ARHGAP15: variants seen among roughly 807,000 people sequenced by gnomAD.
ARHGAP15 encodes rho GTPase-activating protein 15.
In ARHGAP15, 51 loss-of-function variants were observed where a neutral mutation model predicts 63.7. The ratio of observed to expected loss-of-function variants is 0.80; its 90% CI spans 0.64 to 1.01. The LOEUF (loss-of-function observed/expected upper bound fraction) is 1.01, where lower values mean the gene tolerates loss of function less well. ARHGAP15 is among the 50% of genes least tolerant of loss of function. The pLI is 0.00. For synonymous variants in ARHGAP15, 191 were observed against 193.8 expected (o/e 0.99, Z 0.12); for missense variants, 560 against 564.6 (o/e 0.99, Z 0.08).
At chr2:143,169,894 T>C (rs1193234122) in intron 2 of ARHGAP15, among the ~76,000 whole-genome samples, 1 of 151,984 alleles carries the variant, frequency 6.6e-6, no homozygotes, top group Non-Finnish European at 1.5e-5. Flanking sequence ...TAGCCAGGAT[T>C]AGAAATATTT....
intron 10 of ARHGAP15, among the ~76,000 whole-genome samples, chr2:143,524,855 ATG>A (rs1262686813): frequency 1.5e-4 from 23 of 152,358 alleles, no homozygotes; most frequent in African/African-American, 5.0e-4. Flanking sequence ...ATGCACATGA[ATG>A]TGTTATATAA....
At chr2:143,413,969 G>GCGCGCA (rs1390553022) in intron 6 of ARHGAP15, among the ~76,000 whole-genome samples, 1 of 150,610 alleles carries the variant, frequency 6.6e-6, no homozygotes, top group African/African-American at 2.4e-5. Flanking sequence ...GTGTGTGTGC[G>GCGCGCA]CGCTCTCTGG....
chr2:143,525,081 C>T (rs1336155956), intron 10 of ARHGAP15, among the ~76,000 whole-genome samples: 2 of 152,140 alleles, frequency 1.3e-5, no homozygotes, highest in Non-Finnish European at 2.9e-5. Flanking sequence ...ATCATATTGC[C>T]TTCCCTAGAC....
intron 10 of ARHGAP15, among the ~76,000 whole-genome samples, chr2:143,547,875 A>G (rs1012202054): frequency 3.3e-5 from 5 of 152,054 alleles, no homozygotes; most frequent in African/African-American, 9.7e-5. Context: ...GTAAAAAGCA[A>G]GATAGCCAAT....
intron 6 of ARHGAP15, among the ~76,000 whole-genome samples, chr2:143,383,336 CTT>C (rs1286756892): frequency 5.9e-5 from 9 of 152,222 alleles, no homozygotes; most frequent in Non-Finnish European, 1.0e-4. Context: ...TCTTGGCTCA[CTT>C]ATATAAGGTT....
intron 12 of ARHGAP15, among the ~76,000 whole-genome samples, chr2:143,655,589 G>A (rs1681394334): frequency 6.6e-6 from 1 of 152,112 alleles, no homozygotes; most frequent in South Asian, 2.1e-4. Flanking sequence ...CCCCATAGTA[G>A]AGTTGATTTT....
chr2:143,168,391 G>A (rs139492042), intron 2 of ARHGAP15, among the ~76,000 whole-genome samples: 257 of 152,072 alleles, frequency 1.7e-3, no homozygotes, highest in African/African-American at 6.0e-3. Context: ...GTTGCTCAGG[G>A]TAGTCTAGAA....
At chr2:143,542,756 A>G (rs1316183162) in intron 10 of ARHGAP15, among the ~76,000 whole-genome samples, 19 of 96,736 alleles carry the variant, frequency 2.0e-4, no homozygotes, top group Admixed American at 4.3e-4. Flanking sequence ...GATATATATA[A>G]TATCACATAT....
rs143980909 is a variant in ARHGAP15 at position 143,625,256 on chromosome 2, G to C, written c.1138+989G>C. On this transcript the variant is annotated intron_variant, in intron 12 of 13. Transcript: ENST00000295095. ...TCAGGAGGTCTGATCTTGGATGGCT[G>C]GGTATGAAGTGTTCCCATTAGCACA... 1.4e-4 allele frequency among the ~76,000 whole-genome samples: 22 copies of C among 152,248 alleles called. No individual in the cohort carries two copies. The East Asian group carries it at 3.9e-3, about 27-fold the overall frequency.
intron 6 of ARHGAP15, among the ~76,000 whole-genome samples, chr2:143,416,510 T>C (rs955348090): frequency 4.6e-5 from 7 of 152,198 alleles, no homozygotes; most frequent in African/African-American, 1.7e-4. Context: ...TTGTTCTTTG[T>C]CCTCTGTTAC....
chr2:143,279,746 C>T (rs998982690), intron 6 of ARHGAP15, among the ~76,000 whole-genome samples: 6 of 152,114 alleles, frequency 3.9e-5, no homozygotes, highest in Admixed American at 2.6e-4. Context: ...CTTTATTGGA[C>T]ATTGAACACT....
At chr2:143,580,030 G>A (rs1329995875) in intron 11 of ARHGAP15, among the ~76,000 whole-genome samples, 1 of 147,598 alleles carries the variant, frequency 6.8e-6, no homozygotes, top group East Asian at 2.0e-4. Context: ...ACTGAGAGCT[G>A]AAGAAAAGTT....
intron 2 of ARHGAP15, among the ~76,000 whole-genome samples, chr2:143,201,712 T>C (rs989813506): frequency 1.3e-5 from 2 of 152,118 alleles, no homozygotes; most frequent in Admixed American, 1.3e-4. Context: ...GTGGGTGTGA[T>C]TTGGGTTTCC....
chr2:143,652,371 G>T (rs1469087432), intron 12 of ARHGAP15, among the ~76,000 whole-genome samples: 2 of 152,050 alleles, frequency 1.3e-5, no homozygotes, highest in East Asian at 3.9e-4. Flanking sequence ...CAACAAGCTG[G>T]AAGTATACCG....
At position 143,373,642 on chromosome 2, in the gene ARHGAP15, A is replaced by C. The variant is rs975292821; in HGVS notation, c.475-61959A>C. 1.1e-4 allele frequency among the ~76,000 whole-genome samples: 17 copies of C among 148,716 alleles called. 1 individual carries two copies. Among genetic ancestry groups the C allele is most frequent in the South Asian group, 6.3e-4 (3 of 4,730 alleles). On this transcript the variant is annotated intron_variant, in intron 6 of 13. Transcript: ENST00000295095. ...CAGACTCTATCTCAAAAAAAAAAAA[A>C]AAAAAAAAAAAAAAAAAACACAGAA... is the stretch of plus-strand genomic sequence containing the variant.
chr2:143,535,330 A>C (rs1035674967), intron 10 of ARHGAP15, among the ~76,000 whole-genome samples: 1 of 152,088 alleles, frequency 6.6e-6, no homozygotes, highest in African/African-American at 2.4e-5. Flanking sequence ...ACACAAGTAA[A>C]CTCATTGTAC....
chr2:143,703,336 T>C (rs1236192606), intron 12 of ARHGAP15, 83 bp from the exon 13 acceptor site: 1 of 1,117,512 alleles, frequency 8.9e-7, no homozygotes, highest in Non-Finnish European at 1.3e-6. Flanking sequence ...CAGTCCAAAA[T>C]TTTCTCAAGA....
chr2:143,141,873 C>T (rs1298706867), intron 1 of ARHGAP15, among the ~76,000 whole-genome samples: 7 of 152,060 alleles, frequency 4.6e-5, no homozygotes, highest in Non-Finnish European at 8.8e-5. Context: ...ATTGACACTA[C>T]GAGCCACAGT....
chr2:143,254,242 A>G (rs955578374), intron 6 of ARHGAP15, among the ~76,000 whole-genome samples: 1 of 152,124 alleles, frequency 6.6e-6, no homozygotes, highest in African/African-American at 2.4e-5. Flanking sequence ...GATAGTTGTA[A>G]TAACTAAATA....
Sources: allele counts gnomAD v4.1 joint callset (sites outside exome capture counted in the v4.1 genomes callset), GRCh38; gene constraint gnomAD v4.1.1; transcripts MANE v1.5; gene names NCBI Gene and HGNC (gene_info 2026-07-23, HGNC 2026-07-21).